PTPRD: variants seen among roughly 807,000 people sequenced by gnomAD.
PTPRD encodes the protein protein tyrosine phosphatase receptor type D.
PTPRD carries 34 observed loss-of-function variants against 214.5 expected under a neutral mutation model. That is an observed-to-expected ratio of 0.16 (90% CI 0.12 to 0.21). The LOEUF is 0.21. Ranked by LOEUF, PTPRD falls within the 10% of genes least tolerant of loss-of-function variation. The pLI is 1.00. For missense variants in PTPRD, 2,545 were observed against 2,398.7 expected (o/e 1.06, Z -1.27); for synonymous variants, 1,128 against 845.7 (o/e 1.33, Z -5.79).
At chr9:8,934,520 A>ATAT (rs2098982871) in intron 11 of PTPRD, among the ~76,000 whole-genome samples, 10 of 17,062 alleles carry the variant, frequency 5.9e-4, no homozygotes, top group South Asian at 2.0e-3. Flanking sequence ...TATATATATA[A>ATAT]ATATATATAT....
At chr9:9,915,923 C>A (rs1238041808) in intron 5 of PTPRD, among the ~76,000 whole-genome samples, 1 of 151,736 alleles carries the variant, frequency 6.6e-6, no homozygotes, top group South Asian at 2.1e-4. Flanking sequence ...GCATTATAGT[C>A]AAGTTGAAGA....
intron 39 of PTPRD, among the ~76,000 whole-genome samples, chr9:8,374,442 T>C (rs559154956): frequency 5.9e-5 from 9 of 152,008 alleles, no homozygotes; most frequent in African/African-American, 2.2e-4. Flanking sequence ...TAAAACCACT[T>C]GCTCAAATTA....
Position 8,772,119 on chromosome 9 carries a change from A to C in PTPRD, c.-103-38173T>G, listed in dbSNP as rs74825481. On this transcript the variant is annotated intron_variant, in intron 11 of 45. Transcript: ENST00000381196. Reference sequence around the variant, plus strand: ...CACAAAAATTAAAACTTAAAAAAAAACTATTCCTTCCTGAAAAAACAACAA... The same window carrying C: ...CACAAAAATTAAAACTTAAAAAAAACCTATTCCTTCCTGAAAAAACAACAA... Among the ~76,000 whole-genome samples the C allele has an allele frequency of 1.8e-3, 269 of 151,760 alleles. 1 individual carries two copies. Among genetic ancestry groups the C allele is most frequent in the African/African-American group, 6.1e-3 (252 of 41,144 alleles).
chr9:9,760,927 T>A (rs1359810172), intron 6 of PTPRD, among the ~76,000 whole-genome samples: 2 of 152,146 alleles, frequency 1.3e-5, no homozygotes, highest in African/African-American at 4.8e-5. Flanking sequence ...TACAGAGAAA[T>A]GAGCTAACTC....
chr9:9,028,250 T>A (rs968096794), intron 10 of PTPRD, among the ~76,000 whole-genome samples: 4 of 152,012 alleles, frequency 2.6e-5, no homozygotes, highest in Non-Finnish European at 5.9e-5. Context: ...ACAATATTTG[T>A]TGAAGCTCAC....
chr9:8,423,601 G>C (rs1032936511), intron 35 of PTPRD, among the ~76,000 whole-genome samples: 11 of 152,034 alleles, frequency 7.2e-5, no homozygotes, highest in African/African-American at 2.7e-4. Context: ...CTTCTTCATT[G>C]GTCTTATCTA....
At chr9:9,747,739 G>T (rs936898925) in intron 6 of PTPRD, among the ~76,000 whole-genome samples, 4 of 151,946 alleles carry the variant, frequency 2.6e-5, no homozygotes, top group African/African-American at 9.7e-5. Context: ...TTTTAGTAGA[G>T]ACAGGGTTTC....
chr9:8,831,524 C>G (rs1176011483), intron 11 of PTPRD, among the ~76,000 whole-genome samples: 3 of 152,090 alleles, frequency 2.0e-5, no homozygotes, highest in African/African-American at 7.2e-5. Context: ...AAATCCCAAT[C>G]CAATTCAATA....
intron 3 of PTPRD, among the ~76,000 whole-genome samples, chr9:10,329,589 G>A (rs536122795): frequency 1.3e-5 from 2 of 151,812 alleles, no homozygotes; most frequent in South Asian, 4.2e-4. Context: ...TACATCGCAT[G>A]CTTAATGTCT....
In PTPRD at chr9:9,928,704, A is replaced by G. The variant is rs73643822; in HGVS notation, c.-368+9803T>C. 4.5e-3 allele frequency among the ~76,000 whole-genome samples: 685 copies of G among 151,888 alleles called. 2 individuals are homozygous for G. The highest frequency in any genetic ancestry group is 0.016 in the African/African-American group (641 of 41,296). Reference sequence around the variant, plus strand: ...GACCTTGTATTTGGTGAAAGAAAATAAAGAACAAACTTAATTTCACACCTA... The same window carrying G: ...GACCTTGTATTTGGTGAAAGAAAATGAAGAACAAACTTAATTTCACACCTA... On this transcript the variant is annotated intron_variant, in intron 5 of 45. Transcript: ENST00000381196.
intron 3 of PTPRD, among the ~76,000 whole-genome samples, chr9:10,240,813 G>T (rs2099644878): frequency 6.6e-6 from 1 of 151,770 alleles, no homozygotes; most frequent in African/African-American, 2.4e-5. Context: ...CTCTTAGACA[G>T]GATTTTTGAA....
chr9:9,530,394 T>C (rs1377577383), intron 8 of PTPRD, among the ~76,000 whole-genome samples: 2 of 152,028 alleles, frequency 1.3e-5, no homozygotes, highest in African/African-American at 4.8e-5. Context: ...ATAGAGGAAA[T>C]GGATAAATTC....
At chr9:10,372,697 G>C (rs73644435) in intron 2 of PTPRD, among the ~76,000 whole-genome samples, 1 of 151,884 alleles carries the variant, frequency 6.6e-6, no homozygotes. Context: ...TGGATAACTT[G>C]TAAGTTCAGT....
chr9:10,438,293 T>A (rs897706476), intron 2 of PTPRD, among the ~76,000 whole-genome samples: 2 of 151,558 alleles, frequency 1.3e-5, no homozygotes, highest in African/African-American at 4.8e-5. Context: ...CATCTGGAAT[T>A]ATAAGGGTTC....
chr9:9,895,554 G>C (rs927057529), intron 5 of PTPRD, among the ~76,000 whole-genome samples: 1 of 151,972 alleles, frequency 6.6e-6, no homozygotes, highest in African/African-American at 2.4e-5. Flanking sequence ...CATAGAAGTA[G>C]GGACTACAAT....
At chr9:9,405,507 G>C (rs942875368) in intron 8 of PTPRD, among the ~76,000 whole-genome samples, 4 of 151,338 alleles carry the variant, frequency 2.6e-5, no homozygotes, top group Admixed American at 2.0e-4. Context: ...CACACTTCAT[G>C]GGAAACATTC....
At chr9:9,269,656 A>T (rs1941954093) in intron 9 of PTPRD, among the ~76,000 whole-genome samples, 1 of 151,390 alleles carries the variant, frequency 6.6e-6, no homozygotes, top group African/African-American at 2.4e-5. Flanking sequence ...ATGTGTGTGT[A>T]TGTAAACATT....
chr9:10,606,426 G>C (rs530491936), intron 2 of PTPRD, among the ~76,000 whole-genome samples: 18 of 151,824 alleles, frequency 1.2e-4, no homozygotes, highest in African/African-American at 4.3e-4. Context: ...AAGGATGCTA[G>C]CTTATGTGAG....
intron 10 of PTPRD, among the ~76,000 whole-genome samples, chr9:9,035,836 T>C (rs903328352): frequency 6.6e-6 from 1 of 152,096 alleles, no homozygotes; most frequent in East Asian, 1.9e-4. Context: ...TATTCAACAA[T>C]AAAGGTGTTT....
Sources: gnomAD v4.1 joint callset for allele counts (sites outside exome capture counted in the v4.1 genomes callset) on GRCh38, gnomAD v4.1.1 for gene constraint, MANE v1.5 for transcripts, NCBI Gene and HGNC (gene_info 2026-07-23, HGNC 2026-07-21) for gene names.